Variants in PATJ observed in about 807,000 individuals in gnomAD.
PATJ encodes the protein inaD-like protein.
Under a neutral mutation model 224.9 loss-of-function variants are expected in PATJ, and 190 were observed. The observed-to-expected ratio is 0.84, with a 90% CI of 0.75 to 0.95. The LOEUF is 0.95. Among genes scored for constraint, PATJ ranks in the 40% least tolerant of loss-of-function variants. The pLI is 0.00. For synonymous variants in PATJ, 769 were observed against 820.3 expected (o/e 0.94, Z 1.07); for missense variants, 2,121 against 2,270.3 (o/e 0.93, Z 1.34).
chr1:62,012,034 A>G (rs1646480672), intron 28 of PATJ, among the ~76,000 whole-genome samples: 1 of 152,060 alleles, frequency 6.6e-6, no homozygotes, highest in African/African-American at 2.4e-5. Flanking sequence ...CAAAAAAAAA[A>G]AAAGCAAGCA....
intron 7 of PATJ, among the ~76,000 whole-genome samples, chr1:61,785,890 G>A (rs949480639): frequency 6.6e-6 from 1 of 151,962 alleles, no homozygotes; most frequent in Non-Finnish European, 1.5e-5. Context: ...ACCAACTTGG[G>A]CAACAGAGTG....
intron 33 of PATJ, among the ~76,000 whole-genome samples, chr1:62,096,763 C>T (rs1661443710): frequency 1.3e-5 from 2 of 152,072 alleles, no homozygotes; most frequent in Admixed American, 1.3e-4. Context: ...TTACAGGCAC[C>T]CACCACCACA....
chr1:61,808,153 A>G (rs1210804737), intron 13 of PATJ, among the ~76,000 whole-genome samples: 2 of 152,342 alleles, frequency 1.3e-5, no homozygotes, highest in Non-Finnish European at 2.9e-5. Context: ...TAAAATTTTT[A>G]TGCATCCAGG....
At chr1:62,056,570 C>T (rs917864127) in intron 31 of PATJ, among the ~76,000 whole-genome samples, 1 of 152,000 alleles carries the variant, frequency 6.6e-6, no homozygotes, top group Non-Finnish European at 1.5e-5. Context: ...CACCTGAGGT[C>T]AGGACTTCGA....
In PATJ at chr1:61,808,548, C is replaced by T. The variant is rs1281558591; in HGVS notation, c.1683+18C>T. On this transcript the variant is annotated intron_variant, in intron 14 of 43. Coordinates refer to ENST00000642238, the MANE Select transcript of PATJ (RefSeq NM_001350145.3). The stretch of plus-strand genomic sequence containing the variant: ...ATTCAAAGGTAAGCATTTTTTATAA[C>T]AAAGTTAACAGTTTTATTTTTTTTA... 2 of 1,533,880 alleles carry T rather than the reference C, an allele frequency of 1.3e-6. No homozygotes were observed. Among genetic ancestry groups the T allele is most frequent in the Non-Finnish European group, 1.8e-6 (2 of 1,108,888 alleles).
intron 17 of PATJ, among the ~76,000 whole-genome samples, chr1:61,837,007 C>G (rs1660287362): frequency 6.6e-6 from 1 of 152,196 alleles, no homozygotes; most frequent in Non-Finnish European, 1.5e-5. Flanking sequence ...TTTGGAATAT[C>G]TCATTTCAGT....
rs1029053319 is a variant in PATJ, at chr1:61,821,783, T to C, written c.1684-1162T>C. Among the ~76,000 whole-genome samples, 8 of 152,350 alleles carry C rather than the reference T, an allele frequency of 5.3e-5. No homozygotes were observed. The East Asian group carries it at 1.5e-3, about 29-fold the overall frequency. ...TTGATACAGGAAATGCAAATCATCATGAGTACCATTTACCGTATTTGAGAT... is the reference window on the plus strand; with the variant it reads ...TTGATACAGGAAATGCAAATCATCACGAGTACCATTTACCGTATTTGAGAT... On this transcript the variant is annotated intron_variant, in intron 14 of 43. Transcript: ENST00000642238.
intron 22 of PATJ, among the ~76,000 whole-genome samples, chr1:61,890,297 A>G (rs1669427664): frequency 6.6e-6 from 1 of 152,132 alleles, no homozygotes; most frequent in South Asian, 2.1e-4. Flanking sequence ...TGGGCAACAT[A>G]GTGAAAACCT....
At chr1:62,081,734 A>T (rs1183532422) in intron 32 of PATJ, among the ~76,000 whole-genome samples, 1 of 151,928 alleles carries the variant, frequency 6.6e-6, no homozygotes, top group Non-Finnish European at 1.5e-5. Flanking sequence ...TGCCTGGCTA[A>T]TTTTGTATTT....
In PATJ at chr1:62,153,352, T is replaced by C; in HGVS notation, c.5379-6T>C. The C allele has an allele frequency of 1.6e-6, 2 of 1,231,212 alleles. No homozygotes were observed. Among genetic ancestry groups the C allele is most frequent in the Non-Finnish European group, 2.0e-6 (2 of 987,110 alleles). The allele number at this position is 1,231,212 out of a possible 1,614,324, so 76.3% of individuals were successfully genotyped here. On this transcript the variant is annotated splice_polypyrimidine_tract_variant and splice_region_variant and intron_variant, in intron 42 of 43. Coordinates refer to ENST00000642238, the MANE Select transcript of PATJ (RefSeq NM_001350145.3). ...TCGAATTAAACAGCATGCATTGTGT[T>C]TTCAGAACACCTCCACCTAAGATTA...
At chr1:61,834,752 A>AT (rs888777364) in intron 17 of PATJ, among the ~76,000 whole-genome samples, 11 of 152,068 alleles carry the variant, frequency 7.2e-5, no homozygotes, top group Admixed American at 2.6e-4. Context: ...TATTTTATTT[A>AT]TTTTTTTTGA....
At chr1:61,903,493 A>G (rs1671468499) in intron 24 of PATJ, among the ~76,000 whole-genome samples, 2 of 152,208 alleles carry the variant, frequency 1.3e-5, no homozygotes, top group Admixed American at 6.5e-5. Context: ...ATAGTCAGTT[A>G]GATAAACAAA....
chr1:61,765,711 C>T (rs189435916), intron 3 of PATJ, among the ~76,000 whole-genome samples: 14 of 138,876 alleles, frequency 1.0e-4, no homozygotes, highest in African/African-American at 3.3e-4. Context: ...TAAGTGGCTC[C>T]GTGACTCACT....
At position 62,067,207 on chromosome 1, in the gene PATJ, A is replaced by G. The variant is rs145163264; in HGVS notation, c.4126-12243A>G. On this transcript the variant is annotated intron_variant, in intron 31 of 43. Transcript: ENST00000642238. ...AGTGGTGCAATCTTGGCTCACTGCAACCTCCACCTCCCAGGTTCAAGCAAT... is the reference window on the plus strand; with the variant it reads ...AGTGGTGCAATCTTGGCTCACTGCAGCCTCCACCTCCCAGGTTCAAGCAAT... 1.3e-3 allele frequency among the ~76,000 whole-genome samples: 197 copies of G among 147,610 alleles called. No homozygotes were observed. In the East Asian group the frequency reaches 0.016, roughly 12 times the overall value.
chr1:61,904,570 T>C (rs1199654392), intron 24 of PATJ, among the ~76,000 whole-genome samples: 4 of 152,266 alleles, frequency 2.6e-5, no homozygotes, highest in African/African-American at 9.6e-5. Context: ...CAAACTCCCT[T>C]GCATTACCCT....
At position 62,083,841 on chromosome 1, in the gene PATJ, A is replaced by G. The variant is rs192597087; in HGVS notation, c.4244-674A>G. ...GGCATTGTTTCTTAATTAGTATCCT[A>G]TAGCTCAGAATCTCCTGTTATACCA... On this transcript the variant is annotated intron_variant, in intron 32 of 43. Transcript: ENST00000642238. Among the ~76,000 whole-genome samples the G allele has an allele frequency of 3.9e-5, 6 of 152,332 alleles. No homozygotes were observed. The East Asian group carries it at 1.2e-3, about 29-fold the overall frequency.
intron 28 of PATJ, among the ~76,000 whole-genome samples, chr1:62,015,074 C>A (rs540271654): frequency 1.2e-4 from 18 of 151,990 alleles, no homozygotes; most frequent in Admixed American, 1.2e-3. Context: ...CCGAGGAGGG[C>A]GGACCACCTG....
intron 28 of PATJ, among the ~76,000 whole-genome samples, chr1:61,995,243 A>G (rs1349573487): frequency 6.6e-6 from 1 of 152,118 alleles, no homozygotes; most frequent in African/African-American, 2.4e-5. Context: ...TTACCCCCTG[A>G]CACTGTTTAT....
intron 43 of PATJ, among the ~76,000 whole-genome samples, chr1:62,157,607 G>A (rs1472881788): frequency 1.3e-5 from 2 of 148,654 alleles, no homozygotes; most frequent in Non-Finnish European, 3.0e-5. Flanking sequence ...AAGGCAGGTG[G>A]ATCACCTGAG....
Sources: allele counts gnomAD v4.1 joint callset (sites outside exome capture counted in the v4.1 genomes callset), GRCh38; gene constraint gnomAD v4.1.1; transcripts MANE v1.5; gene names NCBI Gene and HGNC (gene_info 2026-07-23, HGNC 2026-07-21).